Variants in PTPRT observed in about 807,000 individuals in gnomAD.
The protein encoded by PTPRT is protein tyrosine phosphatase receptor type T.
PTPRT carries 56 observed loss-of-function variants against 176.8 expected under a neutral mutation model. The ratio of observed to expected loss-of-function variants is 0.32; its 90% confidence interval spans 0.26 to 0.40. The LOEUF (loss-of-function observed/expected upper bound fraction) is 0.40, where lower values mean the gene tolerates loss of function less well. Among genes scored for constraint, PTPRT ranks in the 10% least tolerant of loss-of-function variants. The pLI is 1.00. For synonymous variants in PTPRT, 783 were observed against 739.0 expected (o/e 1.06, Z -0.96); for missense variants, 1,540 against 1,908.2 (o/e 0.81, Z 3.60).
At chr20:42,860,731 A>G (rs537301358) in intron 2 of PTPRT, among the ~76,000 whole-genome samples, 1 of 152,306 alleles carries the variant, frequency 6.6e-6, no homozygotes, top group Non-Finnish European at 1.5e-5. Context: ...TAGTCACCTT[A>G]TTAGACTCTT....
At chr20:43,119,217 T>A (rs1045447757) in intron 1 of PTPRT, among the ~76,000 whole-genome samples, 3 of 152,214 alleles carry the variant, frequency 2.0e-5, no homozygotes, top group Non-Finnish European at 2.9e-5. Context: ...ATTAAATGTA[T>A]AAAAAGCTCT....
At chr20:42,227,773 A>G (rs1318475316) in intron 15 of PTPRT, among the ~76,000 whole-genome samples, 2 of 151,438 alleles carry the variant, frequency 1.3e-5, no homozygotes, top group South Asian at 4.2e-4. Flanking sequence ...ATGCCTGGCT[A>G]ATTTTTTGTA....
At chr20:42,678,193 T>G in intron 6 of PTPRT, 34 bp from the exon 7 acceptor site, 1 of 1,583,382 alleles carries the variant, frequency 6.3e-7, no homozygotes, top group Admixed American at 1.7e-5. Flanking sequence ...GACTGTCAGA[T>G]TCAAATGATT....
At chr20:42,124,669 T>A (rs1304729537) in intron 19 of PTPRT, among the ~76,000 whole-genome samples, 1 of 152,196 alleles carries the variant, frequency 6.6e-6, no homozygotes, top group Admixed American at 6.5e-5. Flanking sequence ...ACCAGGGTGA[T>A]GGAGTGAGGA....
At chr20:42,770,409 C>T (rs77585346) in intron 5 of PTPRT, among the ~76,000 whole-genome samples, 2,543 of 152,296 alleles carry the variant, frequency 0.017, 69 homozygotes, top group African/African-American at 0.058. Flanking sequence ...GCTATTTGTG[C>T]TAGTATTAAT....
intron 7 of PTPRT, among the ~76,000 whole-genome samples, chr20:42,606,373 TG>T (rs2073877633): frequency 6.6e-6 from 1 of 152,162 alleles, no homozygotes; most frequent in Admixed American, 6.5e-5. Context: ...AGAAAAAGTA[TG>T]GGGGCTACAG....
At chr20:42,082,041 G>A in intron 29 of PTPRT, 24 bp from the exon 30 acceptor site, 2 of 1,613,952 alleles carry the variant, frequency 1.2e-6, no homozygotes, top group Non-Finnish European at 1.7e-6. Context: ...AAAGAGGTGA[G>A]CCATGTTCCT....
chr20:42,858,114 C>CTACCTGTCTA (rs1219782969), intron 2 of PTPRT, among the ~76,000 whole-genome samples: 10 of 152,108 alleles, frequency 6.6e-5, no homozygotes, highest in Non-Finnish European at 1.3e-4. Flanking sequence ...ATGGATCTGC[C>CTACCTGTCTA]TACCTGTCTA....
intron 9 of PTPRT, among the ~76,000 whole-genome samples, chr20:42,415,849 A>T (rs1332282910): frequency 6.6e-6 from 1 of 152,204 alleles, no homozygotes; most frequent in Non-Finnish European, 1.5e-5. Context: ...ATTGATCCAC[A>T]TGACTAAGAA....
intron 12 of PTPRT, among the ~76,000 whole-genome samples, chr20:42,305,711 C>A (rs1176912452): frequency 6.6e-6 from 1 of 152,134 alleles, no homozygotes; most frequent in Non-Finnish European, 1.5e-5. Flanking sequence ...TTACTTGTTA[C>A]AAAGGTCCTA....
At chr20:42,655,018 T>C (rs2075100274) in intron 7 of PTPRT, among the ~76,000 whole-genome samples, 1 of 152,208 alleles carries the variant, frequency 6.6e-6, no homozygotes, top group South Asian at 2.1e-4. Flanking sequence ...GATCCAATCA[T>C]ATCATGGTGT....
chr20:42,758,651 G>A (rs1222539131), intron 5 of PTPRT, among the ~76,000 whole-genome samples: 2 of 152,166 alleles, frequency 1.3e-5, no homozygotes, highest in African/African-American at 4.8e-5. Flanking sequence ...ATGGCAGAAT[G>A]AGAGGCAGCC....
At chr20:42,608,672 C>T (rs565712391) in intron 7 of PTPRT, among the ~76,000 whole-genome samples, 11 of 152,276 alleles carry the variant, frequency 7.2e-5, no homozygotes, top group Non-Finnish European at 1.2e-4. Context: ...ATTTCTCACA[C>T]GCCTCGTGCT....
the PTPRT span, among the ~76,000 whole-genome samples, chr20:42,035,767 G>A: frequency 2.4e-4 from 36 of 152,264 alleles, no homozygotes; most frequent in South Asian, 2.5e-3. Context: ...GATAGTGCTC[G>A]GGTAGACTGT....
chr20:42,046,719 A>C, the PTPRT span, among the ~76,000 whole-genome samples: 4 of 152,104 alleles, frequency 2.6e-5, no homozygotes, highest in Non-Finnish European at 4.4e-5. Flanking sequence ...CAATTTGTTT[A>C]GTTAGGCCGA....
At chr20:42,478,278 G>A (rs1287284896) in intron 7 of PTPRT, among the ~76,000 whole-genome samples, 2 of 152,150 alleles carry the variant, frequency 1.3e-5, no homozygotes, top group Non-Finnish European at 2.9e-5. Flanking sequence ...TTATGCACAT[G>A]TTAGGGACAG....
chr20:42,993,849 A>G (rs1299195997), intron 1 of PTPRT, among the ~76,000 whole-genome samples: 2 of 151,910 alleles, frequency 1.3e-5, no homozygotes, highest in Non-Finnish European at 2.9e-5. Context: ...TTGCCCTGAC[A>G]TCGCTTGTCA....
chr20:42,534,708 A>T (rs1187896663), intron 7 of PTPRT, among the ~76,000 whole-genome samples: 1 of 152,130 alleles, frequency 6.6e-6, no homozygotes, highest in East Asian at 1.9e-4. Context: ...ATCTTAATCA[A>T]CATTATCATG....
At chr20:42,895,238 G>A (rs1320949529) in intron 1 of PTPRT, among the ~76,000 whole-genome samples, 1 of 152,198 alleles carries the variant, frequency 6.6e-6, no homozygotes, top group Non-Finnish European at 1.5e-5. Flanking sequence ...CCAAAGTTGG[G>A]CAGGGTCAGG....
Sources: allele counts gnomAD v4.1 joint callset (sites outside exome capture counted in the v4.1 genomes callset), GRCh38; gene constraint gnomAD v4.1.1; transcripts MANE v1.5; gene names NCBI Gene and HGNC (gene_info 2026-07-23, HGNC 2026-07-21).